ACADL: variants seen among roughly 807,000 people sequenced by gnomAD.
The protein encoded by ACADL is acyl-CoA dehydrogenase long chain.
A neutral mutation model predicts 56.9 loss-of-function variants in ACADL; 60 were observed. That is an observed-to-expected ratio of 1.05 (90% CI 0.86 to 1.31). The LOEUF is 1.31. Ranked by LOEUF, ACADL falls within the 50% of genes most tolerant of loss-of-function variation. ACADL has a pLI of 0.00. For missense variants in ACADL, 484 were observed against 525.5 expected (o/e 0.92, Z 0.77); for synonymous variants, 158 against 179.7 (o/e 0.88, Z 0.97).
intron 6 of ACADL, among the ~76,000 whole-genome samples, chr2:210,205,116 T>C (rs981924312): frequency 2.6e-5 from 4 of 152,120 alleles, no homozygotes; most frequent in Non-Finnish European, 4.4e-5. Context: ...AACCTCTGCC[T>C]CCTGGGTTCA....
chr2:210,196,803 A>G (rs947913657), intron 8 of ACADL, among the ~76,000 whole-genome samples: 3 of 152,194 alleles, frequency 2.0e-5, no homozygotes, highest in African/African-American at 7.2e-5. Flanking sequence ...GGCTAATAGC[A>G]TATACATGGA....
chr2:210,199,130 G>C (rs577183636), intron 8 of ACADL, among the ~76,000 whole-genome samples: 1 of 152,196 alleles, frequency 6.6e-6, no homozygotes, highest in East Asian at 1.9e-4. Flanking sequence ...TGAATAACTA[G>C]ATCCATAGTG....
intron 8 of ACADL, among the ~76,000 whole-genome samples, chr2:210,200,954 G>A (rs965728334): frequency 6.6e-6 from 1 of 152,210 alleles, no homozygotes; most frequent in Non-Finnish European, 1.5e-5. Flanking sequence ...CTAATTGATA[G>A]AGACAGGAGA....
intron 1 of ACADL, chr2:210,224,493 T>C (rs2125720939): frequency 1.0e-6 from 1 of 985,350 alleles, no homozygotes; most frequent in Admixed American, 6.1e-5. Context: ...TGAATAGATT[T>C]TATGCATCAG....
chr2:210,207,571 A>T (rs752132473), intron 5 of ACADL, among the ~76,000 whole-genome samples: 4 of 152,038 alleles, frequency 2.6e-5, no homozygotes, highest in Non-Finnish European at 5.9e-5. Flanking sequence ...GATTGGCCAA[A>T]AGGTCTCAAA....
At position 210,191,314 on chromosome 2, in the gene ACADL, GAT is replaced by G. The variant is rs570001025; in HGVS notation, c.1199+1488_1199+1489del. On this transcript the variant is annotated intron_variant, in intron 10 of 10. Coordinates refer to ENST00000233710, the MANE Select transcript of ACADL (RefSeq NM_001608.4). The stretch of plus-strand genomic sequence containing the variant: ...AACTAACAAACTGGCCAAGAAAGGT[GAT>G]TATTGTTTCTTAAAGAGAATATAAG... Among the ~76,000 whole-genome samples the G allele has an allele frequency of 7.2e-5, 11 of 152,266 alleles. No homozygotes were observed. In the South Asian group the frequency reaches 2.3e-3, roughly 32 times the overall value.
chr2:210,216,281 C>T (rs1030382394), intron 4 of ACADL, 66 bp downstream of exon 4: 2 of 1,564,856 alleles, frequency 1.3e-6, no homozygotes, highest in Non-Finnish European at 1.8e-6. Context: ...TATGTATTAA[C>T]CAAGTACTAA....
intron 6 of ACADL, among the ~76,000 whole-genome samples, chr2:210,205,241 G>GT (rs1265992091): frequency 6.6e-6 from 1 of 152,072 alleles, no homozygotes; most frequent in Non-Finnish European, 1.5e-5. Context: ...GACCAGGCTG[G>GT]TCTTGAACTC....
At chr2:210,215,227 C>G (rs529506302) in intron 4 of ACADL, among the ~76,000 whole-genome samples, 2 of 152,176 alleles carry the variant, frequency 1.3e-5, no homozygotes, top group East Asian at 1.9e-4. Flanking sequence ...TTTTACCACT[C>G]AGCTCTGAGA....
chr2:210,225,185 A>C lies in ACADL; in HGVS notation c.77+2T>G, dbSNP rs1459628024. On this transcript the variant is annotated splice_donor_variant, in intron 1 of 10. Coordinates refer to ENST00000233710, the MANE Select transcript of ACADL (RefSeq NM_001608.4). LOFTEE classifies it high-confidence loss of function. ...GCCGCGGAAGTCCCGGCTGGCACTC[A>C]CCGCGCGGCGGGCAGCTGGCGCGGC... is the stretch of plus-strand genomic sequence containing the variant. 5 of 1,532,024 alleles carry C rather than the reference A, an allele frequency of 3.3e-6. No individual in the cohort carries two copies. The highest frequency in any genetic ancestry group is 4.4e-6 in the Non-Finnish European group (5 of 1,144,912). The allele number at this position is 1,532,024 out of a possible 1,614,324, so 94.9% of individuals were successfully genotyped here. A position where few individuals can be genotyped will look rare whatever the true frequency, so the allele number is the denominator to read the frequency against.
At chr2:210,190,297 T>A (rs1469234060) in intron 10 of ACADL, among the ~76,000 whole-genome samples, 1 of 152,190 alleles carries the variant, frequency 6.6e-6, no homozygotes, top group Non-Finnish European at 1.5e-5. Context: ...CATTTTTTTC[T>A]GAACGGATTT....
intron 1 of ACADL, among the ~76,000 whole-genome samples, chr2:210,223,733 A>G (rs1054759623): frequency 3.3e-5 from 5 of 152,184 alleles, no homozygotes; most frequent in Admixed American, 6.5e-5. Context: ...ATGTAAAACA[A>G]TGTCACTCTT....
At chr2:210,189,253 G>C (rs532732605) in intron 10 of ACADL, among the ~76,000 whole-genome samples, 199 bp from the exon 11 acceptor site, 3 of 152,044 alleles carry the variant, frequency 2.0e-5, no homozygotes, top group Admixed American at 1.3e-4. Flanking sequence ...TTAATAATCT[G>C]TATAGCTTTG....
At chr2:210,206,171 C>T (rs1406870121) in intron 5 of ACADL, among the ~76,000 whole-genome samples, 1 of 152,188 alleles carries the variant, frequency 6.6e-6, no homozygotes, top group East Asian at 1.9e-4. Context: ...GGCCCGGTGG[C>T]TCACACCTGT....
chr2:210,208,779 C>G (rs1487587566), intron 5 of ACADL, among the ~76,000 whole-genome samples: 3 of 152,042 alleles, frequency 2.0e-5, no homozygotes, highest in Non-Finnish European at 2.9e-5. Context: ...CTGTTAAAAA[C>G]TTTGTGTTGC....
intron 1 of ACADL, chr2:210,224,818 G>C (rs1689240211): frequency 9.9e-7 from 1 of 1,010,504 alleles, no homozygotes; most frequent in Non-Finnish European, 1.2e-6. Flanking sequence ...CTGCAGCCGG[G>C]CCCAGGGGGT....
In ACADL at chr2:210,217,965, T is replaced by C. The variant is rs778610468; in HGVS notation, c.371A>G (p.Gln124Arg). Residue 124 changes from glutamine to arginine, a missense_variant and splice_region_variant, in exon 3 of 11, where the codon CAA (glutamine) becomes CGA (arginine). Gln to Arg is a conservative substitution (Grantham distance 43, BLOSUM62 1). Transcript: ENST00000233710. ...LYSAAIVWEE[Q>R]AYSNCSGPGF... ...CAACCTTAAAAGTCTCCATACTTAC[T>C]GCTCCTCCCAGACAATAGCTGCGGA... 2 of 1,614,084 alleles carry C rather than the reference T, an allele frequency of 1.2e-6. No homozygotes were observed. Among genetic ancestry groups the C allele is most frequent in the East Asian group, 2.2e-5 (1 of 44,866 alleles).
chr2:210,192,437 C>T (rs571457519), intron 10 of ACADL, among the ~76,000 whole-genome samples: 3 of 152,000 alleles, frequency 2.0e-5, no homozygotes, highest in African/African-American at 7.2e-5. Flanking sequence ...TTGCAGTGAA[C>T]CCAGATCATG....
At chr2:210,189,582 G>A (rs1303508739) in intron 10 of ACADL, among the ~76,000 whole-genome samples, 1 of 151,476 alleles carries the variant, frequency 6.6e-6, no homozygotes, top group Non-Finnish European at 1.5e-5. Flanking sequence ...TTGTTTTTTG[G>A]AAATGGTTAA....
Sources: gnomAD v4.1 joint callset for allele counts (sites outside exome capture counted in the v4.1 genomes callset) on GRCh38, gnomAD v4.1.1 for gene constraint, MANE v1.5 for transcripts, NCBI Gene and HGNC (gene_info 2026-07-23, HGNC 2026-07-21) for gene names.